Variants in NECAB1 observed in about 807,000 individuals in gnomAD.
NECAB1 encodes N-terminal EF-hand calcium binding protein 1, also known as N-terminal EF-hand calcium-binding protein 1.
In NECAB1, 29 loss-of-function variants were observed where a neutral mutation model predicts 57.5. That is an observed-to-expected ratio of 0.50 (90% confidence interval 0.38 to 0.69). The LOEUF (loss-of-function observed/expected upper bound fraction) is 0.69, where lower values mean the gene tolerates loss of function less well. Ranked by LOEUF, NECAB1 falls within the 30% of genes least tolerant of loss-of-function variation. The pLI, the probability that NECAB1 is intolerant of heterozygous loss-of-function variation, is 0.00. For synonymous variants in NECAB1, 142 were observed against 147.7 expected (o/e 0.96, Z 0.28); for missense variants, 372 against 413.8 (o/e 0.90, Z 0.88).
At chr8:90,833,723 C>T (rs962902869) in intron 3 of NECAB1, among the ~76,000 whole-genome samples, 1 of 152,112 alleles carries the variant, frequency 6.6e-6, no homozygotes, top group East Asian at 1.9e-4. Flanking sequence ...AAAATTGTAA[C>T]CCCAATCTCT....
At chr8:90,864,586 C>T (rs950214578) in intron 3 of NECAB1, among the ~76,000 whole-genome samples, 2 of 152,066 alleles carry the variant, frequency 1.3e-5, no homozygotes, top group African/African-American at 4.8e-5. Context: ...AACCCATTGA[C>T]TTGCATAAGT....
rs143153123 is a variant in NECAB1 at position 90,899,479 on chromosome 8, A to G, written c.358-18013A>G. On this transcript the variant is annotated intron_variant, in intron 5 of 12. Coordinates refer to ENST00000417640, the MANE Select transcript of NECAB1 (RefSeq NM_022351.5). ...TGGGAATAGAAAGATCTAAAGTCCT[A>G]GTTACTGAATAACTTAGCAGAGGGT... Among the ~76,000 whole-genome samples the G allele has an allele frequency of 1.1e-4, 17 of 152,328 alleles. No individual in the cohort carries two copies. The East Asian group carries it at 3.1e-3, about 28-fold the overall frequency.
chr8:90,906,887 A>ATATGTATATATATATATATGTATG (rs1554574066), intron 5 of NECAB1, among the ~76,000 whole-genome samples: 78 of 121,632 alleles, frequency 6.4e-4, no homozygotes, highest in African/African-American at 2.1e-3. Flanking sequence ...ATATATATAT[A>ATATGTATATATATATATATGTATG]TATATATATA....
At chr8:90,874,947 A>ATT (rs10631858) in intron 4 of NECAB1, among the ~76,000 whole-genome samples, 3,522 of 149,236 alleles carry the variant, frequency 0.024, 84 homozygotes, top group African/African-American at 0.068. Flanking sequence ...TCCTAAATGC[A>ATT]TTTTTTTTTT....
chr8:90,925,710 T>G, intron 7 of NECAB1, 54 bp downstream of exon 7: 1 of 1,598,884 alleles, frequency 6.3e-7, no homozygotes, highest in Admixed American at 1.7e-5. Context: ...TCTTGCGTTT[T>G]CCAATTGATT....
At chr8:90,926,742 T>C (rs1417085995) in intron 7 of NECAB1, among the ~76,000 whole-genome samples, 1 of 152,200 alleles carries the variant, frequency 6.6e-6, no homozygotes, top group Non-Finnish European at 1.5e-5. Flanking sequence ...CCCAAAATTA[T>C]ACATGCATAT....
intron 5 of NECAB1, among the ~76,000 whole-genome samples, chr8:90,897,397 C>G (rs1419244241): frequency 6.6e-6 from 1 of 152,170 alleles, no homozygotes; most frequent in Non-Finnish European, 1.5e-5. Flanking sequence ...GGGTACTGCT[C>G]TAGACCCTGC....
At chr8:90,923,488 C>T (rs570227005) in intron 6 of NECAB1, among the ~76,000 whole-genome samples, 2 of 152,322 alleles carry the variant, frequency 1.3e-5, no homozygotes, top group South Asian at 2.1e-4. Context: ...TAGGCCCAGC[C>T]AGGCCACTGT....
intron 1 of NECAB1, among the ~76,000 whole-genome samples, chr8:90,801,479 A>G (rs1303968793): frequency 1.3e-5 from 2 of 152,154 alleles, no homozygotes; most frequent in African/African-American, 4.8e-5. Context: ...TGGCTATACC[A>G]CAGTTGGTTT....
chr8:90,934,019 T>G (rs1342321501), intron 8 of NECAB1, among the ~76,000 whole-genome samples: 1 of 152,180 alleles, frequency 6.6e-6, no homozygotes, highest in Admixed American at 6.5e-5. Context: ...CTCTCTGTTT[T>G]AATGTACCTT....
At chr8:90,895,954 A>C (rs1025145976) in intron 5 of NECAB1, among the ~76,000 whole-genome samples, 1 of 152,128 alleles carries the variant, frequency 6.6e-6, no homozygotes, top group African/African-American at 2.4e-5. Context: ...TAGGAGAATA[A>C]TTTTTTCAAG....
chr8:90,846,373 A>G (rs1812558796), intron 3 of NECAB1, among the ~76,000 whole-genome samples: 1 of 152,260 alleles, frequency 6.6e-6, no homozygotes, highest in Non-Finnish European at 1.5e-5. Context: ...CTTCAAGTAG[A>G]AACAGAAAAT....
chr8:90,833,581 A>G (rs1397364735), intron 3 of NECAB1, among the ~76,000 whole-genome samples: 1 of 152,162 alleles, frequency 6.6e-6, no homozygotes, highest in African/African-American at 2.4e-5. Flanking sequence ...AGTTGCCATT[A>G]GTGAAGTAAA....
intron 6 of NECAB1, among the ~76,000 whole-genome samples, chr8:90,924,554 G>A (rs539595898): frequency 1.8e-4 from 27 of 152,202 alleles, no homozygotes; most frequent in African/African-American, 6.5e-4. Flanking sequence ...CTTGTTGGAG[G>A]CAGCTTAAGT....
At chr8:90,929,317 T>C (rs1586135084) in intron 8 of NECAB1, among the ~76,000 whole-genome samples, 1 of 152,120 alleles carries the variant, frequency 6.6e-6, no homozygotes, top group Admixed American at 6.6e-5. Context: ...TTAAAAATGG[T>C]GACTTAATTA....
intron 10 of NECAB1, among the ~76,000 whole-genome samples, chr8:90,945,354 C>T (rs1311898270): frequency 6.6e-6 from 1 of 152,156 alleles, no homozygotes; most frequent in Non-Finnish European, 1.5e-5. Context: ...GCATGAGCTA[C>T]CGTGCCGGGC....
At chr8:90,951,572 A>G (rs1469865093) in intron 12 of NECAB1, among the ~76,000 whole-genome samples, 1 of 152,172 alleles carries the variant, frequency 6.6e-6, no homozygotes, top group Non-Finnish European at 1.5e-5. Context: ...CTGATTAAAT[A>G]TATATTTACT....
chr8:90,864,574 A>G (rs1808473514), intron 3 of NECAB1, among the ~76,000 whole-genome samples: 1 of 152,116 alleles, frequency 6.6e-6, no homozygotes, highest in African/African-American at 2.4e-5. Flanking sequence ...ACAGAATGAG[A>G]TAACCCATTG....
intron 5 of NECAB1, among the ~76,000 whole-genome samples, chr8:90,891,551 A>G (rs903981313): frequency 1.3e-5 from 2 of 152,106 alleles, no homozygotes; most frequent in African/African-American, 4.8e-5. Context: ...AAAAAATGTA[A>G]TAGAACCAAG....
Sources: allele counts gnomAD v4.1 joint callset (sites outside exome capture counted in the v4.1 genomes callset), GRCh38; gene constraint gnomAD v4.1.1; transcripts MANE v1.5; gene names NCBI Gene and HGNC (gene_info 2026-07-23, HGNC 2026-07-21).